The following CACNA1S variants were observed in gnomAD, a reference collection of about 807,000 sequenced individuals.
CACNA1S encodes the protein calcium voltage-gated channel subunit alpha1 S, also known as voltage-dependent L-type calcium channel subunit alpha-1S.
Under a neutral mutation model 207.4 loss-of-function variants are expected in CACNA1S, and 126 were observed. The ratio of observed to expected loss-of-function variants is 0.61; its 90% CI spans 0.53 to 0.70. The LOEUF (loss-of-function observed/expected upper bound fraction) is 0.70, where lower values mean the gene tolerates loss of function less well. Among genes scored for constraint, CACNA1S ranks in the 30% least tolerant of loss-of-function variants. The pLI is 0.00. For synonymous variants in CACNA1S, 960 were observed against 932.7 expected, an observed-to-expected ratio of 1.03 and a Z score of -0.53; for missense variants, 2,349 against 2,422.8, an observed-to-expected ratio of 0.97 and a Z score of 0.64.
At chr1:201,049,231 AG>A (rs1366900805) in intron 34 of CACNA1S, 132 bp from the exon 35 acceptor site, 17 of 674,912 alleles carry the variant, frequency 2.5e-5, no homozygotes, top group African/African-American at 2.5e-4. Flanking sequence ...AACTGTGTTT[AG>A]GAAGTGGGAG....
intron 22 of CACNA1S, among the ~76,000 whole-genome samples, chr1:201,063,144 T>TC (rs1202429372): frequency 1.5e-5 from 2 of 131,874 alleles, no homozygotes; most frequent in Admixed American, 8.4e-5. Context: ...TTTTTTTTTT[T>TC]TCAAGGCTTT....
chr1:201,076,817 G>C, intron 12 of CACNA1S, 103 bp downstream of exon 12: 10 of 1,084,496 alleles, frequency 9.2e-6, no homozygotes, highest in Non-Finnish European at 1.4e-5. Context: ...CAGCAGATCA[G>C]ACAAGGCTTC....
rs1003285039 is a variant in CACNA1S at position 201,077,888 on chromosome 1, T to C, written c.1610A>G (p.Lys537Arg). ...CGACCCCGGCACTCACTTGGTGATC[T>C]TGAAGATCCTCAGGAGGCGGATGCA... is the stretch of plus-strand genomic sequence containing the variant. ...LRCIRLLRIF[K>R]ITKYWTSLSN... Residue 537 changes from lysine (K) to arginine (R), a missense_variant, in exon 11 of 44, where the codon AAG becomes AGG. Physicochemically the swap from Lys to Arg is conservative, Grantham distance 26. Coordinates refer to ENST00000362061, the MANE Select transcript of CACNA1S (RefSeq NM_000069.3). 2.5e-6 allele frequency: 4 copies of C among 1,613,454 alleles called. No homozygotes were observed. The highest frequency in any genetic ancestry group is 3.4e-6 in the Non-Finnish European group (4 of 1,179,522).
intron 37 of CACNA1S, 125 bp downstream of exon 37, chr1:201,047,400 G>C: frequency 8.1e-7 from 1 of 1,240,216 alleles, no homozygotes; most frequent in Non-Finnish European, 1.2e-6. Flanking sequence ...ATGCCCGTGG[G>C]ATCTACCTAA....
At position 201,093,947 on chromosome 1, in the gene CACNA1S, TAAG is replaced by T. The variant is rs2102167501; in HGVS notation, c.330_332del (p.Phe110del). The T allele has an allele frequency of 6.2e-7, 1 of 1,614,146 alleles. No homozygotes were observed. Among genetic ancestry groups the T allele is most frequent in the Non-Finnish European group, 8.5e-7 (1 of 1,180,016 alleles). ...TGCGCAGGTAAGCGTCCTGGTGGAA[TAAG>T]AAGCCGTAGGCAATGATCTTCATGG... is the stretch of plus-strand genomic sequence containing the variant. On this transcript the variant is annotated inframe_deletion, in exon 3 of 44. Transcript: ENST00000362061.
At chr1:201,052,144 C>T (rs1297589828) in intron 32 of CACNA1S, among the ~76,000 whole-genome samples, 2 of 152,224 alleles carry the variant, frequency 1.3e-5, no homozygotes, top group African/African-American at 2.4e-5. Flanking sequence ...AAGCATAGGC[C>T]CCTGCGCCCT....
intron 11 of CACNA1S, 72 bp from the exon 12 acceptor site, chr1:201,077,199 T>A (rs1165309696): frequency 6.0e-6 from 8 of 1,332,094 alleles, no homozygotes; most frequent in Non-Finnish European, 8.6e-6. Flanking sequence ...GTGGACAGGC[T>A]TGGGGGAAAG....
At position 201,039,818 on chromosome 1, in the gene CACNA1S, T is replaced by G; in HGVS notation, c.*13A>C. On this transcript the variant is annotated 3_prime_UTR_variant, in exon 44 of 44. Transcript: ENST00000362061. ...CATGCCAGCTCTAAGCCCATGCTGA[T>G]GCTGTGTGGGCATCACAGCCTTGGA... The G allele has an allele frequency of 1.2e-6, 2 of 1,602,084 alleles. No individual in the cohort carries two copies. The highest frequency in any genetic ancestry group is 1.7e-6 in the Non-Finnish European group (2 of 1,179,950).
chr1:201,067,074 T>A (rs1661274803), intron 19 of CACNA1S, 81 bp from the exon 20 acceptor site: 1 of 906,010 alleles, frequency 1.1e-6, no homozygotes, highest in Non-Finnish European at 1.8e-6. Context: ...TTCTCGCCTC[T>A]GCTCAGGAGA....
At position 201,073,614 on chromosome 1, in the gene CACNA1S, TCTC is replaced by T. The variant is rs1225367412; in HGVS notation, c.2089_2091del (p.Glu697del). ...TCCAGCTTCTTGGCCATCGTTGACT[TCTC>T]CTCTTCTGACTTGTCTGGGAGACCC... On this transcript the variant is annotated inframe_deletion, in exon 15 of 44. Transcript: ENST00000362061. 6.2e-6 allele frequency: 10 copies of T among 1,614,044 alleles called. No homozygotes were observed. The highest frequency in any genetic ancestry group is 2.7e-5 in the African/African-American group (2 of 74,914).
intron 2 of CACNA1S, among the ~76,000 whole-genome samples, chr1:201,096,221 G>A (rs1393673621): frequency 1.3e-5 from 2 of 152,188 alleles, no homozygotes; most frequent in African/African-American, 4.8e-5. Flanking sequence ...TCCAAGGCCT[G>A]CCTCTTTCCA....
rs565867040 is a variant in CACNA1S, at chr1:201,106,748, T to G, written c.258+3416A>C. Reference sequence around the variant, plus strand: ...CGACATCCTGTGCCCTGGCCAGAGGTGGAGGTGTGGAGCCAGGCATCTCCC... The same window carrying G: ...CGACATCCTGTGCCCTGGCCAGAGGGGGAGGTGTGGAGCCAGGCATCTCCC... On this transcript the variant is annotated intron_variant, in intron 2 of 43. Transcript: ENST00000362061. Among the ~76,000 whole-genome samples, 22 of 152,118 alleles carry G rather than the reference T, an allele frequency of 1.4e-4. No individual in the cohort carries two copies. In the East Asian group the frequency reaches 3.3e-3, roughly 23 times the overall value.
Position 201,053,300 on chromosome 1 carries a change from CAG to C in CACNA1S, c.3796-28_3796-27del, listed in dbSNP as rs769202564. The C allele has an allele frequency of 6.2e-7, 1 of 1,612,552 alleles. No homozygotes were observed. On this transcript the variant is annotated intron_variant, in intron 30 of 43. Transcript: ENST00000362061. This position sits in a 1 kb window ranked among gnomAD's most constrained non-coding sequence, Gnocchi z 5.1. ...CTGCAGGGCGGGCGGGAGCGCCAGT[CAG>C]TGTCTTAGGGCTCCACTGTGTGTCT... is the stretch of plus-strand genomic sequence containing the variant.
chr1:201,040,236 G>A lies in CACNA1S; in HGVS notation c.5365C>T (p.Gln1789Ter), dbSNP rs1660092549. 6.2e-7 allele frequency: 1 copy of A among 1,613,482 alleles called. No individual in the cohort carries two copies. The highest frequency in any genetic ancestry group is 1.1e-5 in the South Asian group (1 of 91,050). Residue 1789 changes from glutamine (Q) to a stop codon, truncating the protein, a stop_gained, in exon 43 of 44, where the codon CAA (glutamine) becomes TAA (stop). Coordinates refer to ENST00000362061, the MANE Select transcript of CACNA1S (RefSeq NM_000069.3). LOFTEE classifies it low-confidence loss of function (END_TRUNC). ...TGACCCAGCCCCTGGCTCACCTTTT[G>A]GATCAGCAGGGCTGTAGCTGGTGCT... ...CSAPATALLI[Q>*]KALVRGGLGT...
At chr1:201,065,447 G>A (rs578209457) in intron 22 of CACNA1S, among the ~76,000 whole-genome samples, 35 of 152,214 alleles carry the variant, frequency 2.3e-4, no homozygotes, top group Non-Finnish European at 3.7e-4. Flanking sequence ...CAAACTAACC[G>A]TTTTCTTGTT....
Position 201,089,387 on chromosome 1 carries a change from A to C in CACNA1S, c.771T>G (p.Asn257Lys), listed in dbSNP as rs1444370607. Residue 257 changes from asparagine (N) to lysine (K), a missense_variant, in exon 6 of 44, where the codon AAT becomes AAG. Asn to Lys is a moderately conservative substitution (Grantham distance 94). Transcript: ENST00000362061. ...GCCAGCCGCCCCGGCACTCACTGCCATTGATGGTGCACCGGCGCCCTGAGC... is the reference window on the plus strand; with the variant it reads ...GCCAGCCGCCCCGGCACTCACTGCCCTTGATGGTGCACCGGCGCCCTGAGC... ...RTGSGRRCTINGSECRGGWPG... is the reference protein window; with the variant it reads ...RTGSGRRCTIKGSECRGGWPG... 1 of 1,614,226 alleles carries C rather than the reference A, an allele frequency of 6.2e-7. No homozygotes were observed. Among genetic ancestry groups the C allele is most frequent in the Non-Finnish European group, 8.5e-7 (1 of 1,180,040 alleles).
chr1:201,092,523 C>A (rs1490160521), intron 3 of CACNA1S, among the ~76,000 whole-genome samples: 1 of 152,222 alleles, frequency 6.6e-6, no homozygotes, highest in Non-Finnish European at 1.5e-5. Context: ...TTCCTCCTGG[C>A]TGCACTTTTT....
intron 3 of CACNA1S, 41 bp downstream of exon 3, chr1:201,093,841 G>A (rs1031048965): frequency 1.9e-6 from 3 of 1,611,878 alleles, no homozygotes; most frequent in African/African-American, 2.7e-5. Context: ...ACAGTCCTCA[G>A]CGAGGGTCTG....
In CACNA1S at chr1:201,053,437, G is replaced by T. The variant is rs1377624165; in HGVS notation, c.3795+22C>A. 1.9e-6 allele frequency: 3 copies of T among 1,614,140 alleles called. No individual in the cohort carries two copies. Among genetic ancestry groups the T allele is most frequent in the Non-Finnish European group, 2.5e-6 (3 of 1,180,002 alleles). On this transcript the variant is annotated intron_variant, in intron 30 of 43. Coordinates refer to ENST00000362061, the MANE Select transcript of CACNA1S (RefSeq NM_000069.3). This position sits in a 1 kb window ranked among gnomAD's most constrained non-coding sequence, Gnocchi z 5.1. ...CTAGTGGCCTCCCCAGGTACGTGCA[G>T]TTTCCAGGGTCCCTGTTGCACCTGG...
Sources: allele counts gnomAD v4.1 joint callset (sites outside exome capture counted in the v4.1 genomes callset), GRCh38; gene constraint gnomAD v4.1.1; non-coding constraint Gnocchi (gnomAD v3.1); transcripts MANE v1.5; gene names NCBI Gene and HGNC (gene_info 2026-07-23, HGNC 2026-07-21).